Variants in RAP1GDS1 observed in about 807,000 individuals in gnomAD.
The protein encoded by RAP1GDS1 is Rap1 GTPase-GDP dissociation stimulator 1.
Under a neutral mutation model 71.1 loss-of-function variants are expected in RAP1GDS1, and 35 were observed. The ratio of observed to expected loss-of-function variants is 0.49; its 90% CI spans 0.38 to 0.65. The LOEUF is 0.65. RAP1GDS1 is among the 30% of genes least tolerant of loss of function. The pLI, the probability that RAP1GDS1 is intolerant of heterozygous loss-of-function variation, is 0.00. For missense variants in RAP1GDS1, 663 were observed against 706.1 expected (o/e 0.94, Z 0.69); for synonymous variants, 229 against 243.1 (o/e 0.94, Z 0.54).
chr4:98,354,803 T>C (rs1737715280), intron 4 of RAP1GDS1, among the ~76,000 whole-genome samples: 1 of 152,154 alleles, frequency 6.6e-6, no homozygotes, highest in African/African-American at 2.4e-5. Context: ...GCATAGTAAA[T>C]ACAGCCCATA....
At chr4:98,322,941 T>A (rs1732204650) in intron 2 of RAP1GDS1, among the ~76,000 whole-genome samples, 1 of 137,476 alleles carries the variant, frequency 7.3e-6, no homozygotes, top group African/African-American at 3.2e-5. Context: ...TGAAGTGAAA[T>A]AGAGACACAA....
chr4:98,416,701 A>G (rs924952913), intron 7 of RAP1GDS1, 44 bp from the exon 8 acceptor site: 8 of 1,532,096 alleles, frequency 5.2e-6, no homozygotes, highest in African/African-American at 2.8e-5. Flanking sequence ...CAGAGCTCCT[A>G]TTTTATCTCA....
intron 2 of RAP1GDS1, among the ~76,000 whole-genome samples, chr4:98,332,591 A>C (rs1560853467): frequency 1.3e-5 from 2 of 152,218 alleles, no homozygotes; most frequent in Non-Finnish European, 2.9e-5. Context: ...GACACAGCAG[A>C]ATTTAAACTT....
intron 2 of RAP1GDS1, among the ~76,000 whole-genome samples, chr4:98,320,927 T>C (rs373045919): frequency 1.9e-5 from 2 of 105,386 alleles, no homozygotes; most frequent in Non-Finnish European, 3.8e-5. Flanking sequence ...TGGAGAATGA[T>C]TTTGACGAGC....
chr4:98,354,955 T>A (rs989837851), intron 4 of RAP1GDS1, among the ~76,000 whole-genome samples: 4 of 152,208 alleles, frequency 2.6e-5, no homozygotes, highest in African/African-American at 9.6e-5. Flanking sequence ...TGCATATAAT[T>A]TCCATAGACT....
chr4:98,334,538 T>G (rs1033030212), intron 2 of RAP1GDS1, among the ~76,000 whole-genome samples: 1 of 152,210 alleles, frequency 6.6e-6, no homozygotes, highest in Non-Finnish European at 1.5e-5. Flanking sequence ...TTTGGTTTTT[T>G]GTTTTTCACC....
chr4:98,414,017 C>G (rs1166801994), intron 7 of RAP1GDS1, among the ~76,000 whole-genome samples: 2 of 152,108 alleles, frequency 1.3e-5, no homozygotes. Flanking sequence ...TAAATGTCTT[C>G]TTTTGAGAAG....
intron 2 of RAP1GDS1, among the ~76,000 whole-genome samples, chr4:98,334,623 A>C (rs183342993): frequency 4.0e-4 from 61 of 152,212 alleles, no homozygotes; most frequent in Non-Finnish European, 7.1e-4. Context: ...CAAGACTTTC[A>C]AGTGTTTGAT....
intron 5 of RAP1GDS1, among the ~76,000 whole-genome samples, chr4:98,384,220 A>T (rs1742412279): frequency 6.6e-6 from 1 of 151,600 alleles, no homozygotes; most frequent in African/African-American, 2.4e-5. Flanking sequence ...GGAGATGTAC[A>T]TTTAAGTTAA....
At chr4:98,419,253 T>C (rs1748462700) in intron 10 of RAP1GDS1, among the ~76,000 whole-genome samples, 1 of 151,938 alleles carries the variant, frequency 6.6e-6, no homozygotes, top group South Asian at 2.1e-4. Context: ...AGGATCTCAC[T>C]ATGTTGCCTA....
intron 2 of RAP1GDS1, among the ~76,000 whole-genome samples, chr4:98,298,875 A>G (rs1728166746): frequency 6.6e-6 from 1 of 152,202 alleles, no homozygotes. Flanking sequence ...GCCATTAAGA[A>G]TATTCATGAT....
At chr4:98,375,158 G>A (rs772494088) in intron 4 of RAP1GDS1, among the ~76,000 whole-genome samples, 8 of 152,112 alleles carry the variant, frequency 5.3e-5, no homozygotes, top group Non-Finnish European at 8.8e-5. Flanking sequence ...GAAACCTGTA[G>A]GGGAGGAGGA....
chr4:98,399,541 G>C (rs1745061671), intron 6 of RAP1GDS1, among the ~76,000 whole-genome samples: 1 of 152,068 alleles, frequency 6.6e-6, no homozygotes, highest in South Asian at 2.1e-4. Flanking sequence ...CAGTCCACCT[G>C]CCTTAGCTTC....
intron 2 of RAP1GDS1, among the ~76,000 whole-genome samples, chr4:98,326,927 A>G (rs568684817): frequency 2.2e-4 from 34 of 152,144 alleles, no homozygotes; most frequent in Non-Finnish European, 4.1e-4. Flanking sequence ...CTACTCTGAT[A>G]CAAGCTAGTC....
At chr4:98,395,987 C>G (rs1304359550) in intron 6 of RAP1GDS1, 1 of 157,540 alleles carries the variant, frequency 6.3e-6, no homozygotes, top group Non-Finnish European at 1.4e-5. Context: ...GTGAGGGACT[C>G]AGGAAGCTTA....
intron 2 of RAP1GDS1, among the ~76,000 whole-genome samples, chr4:98,324,347 A>C (rs547152835): frequency 1.3e-5 from 2 of 152,196 alleles, no homozygotes; most frequent in Admixed American, 1.3e-4. Context: ...CGTACTACCC[A>C]AGGTAATTTA....
chr4:98,438,077 C>T (rs1261599995), intron 14 of RAP1GDS1, among the ~76,000 whole-genome samples: 1 of 152,038 alleles, frequency 6.6e-6, no homozygotes, highest in South Asian at 2.1e-4. Context: ...TCAATTTTTG[C>T]TTAACATAAT....
At chr4:98,263,479 A>G (rs78533958) in intron 1 of RAP1GDS1, among the ~76,000 whole-genome samples, 2 of 152,220 alleles carry the variant, frequency 1.3e-5, no homozygotes, top group Admixed American at 1.3e-4. Context: ...ATAGAAACCT[A>G]TCTCTCATTT....
Position 98,362,460 on chromosome 4 carries a change from A to G in RAP1GDS1, c.361+9859A>G, listed in dbSNP as rs797005382. Among the ~76,000 whole-genome samples, 9 of 152,310 alleles carry G rather than the reference A, an allele frequency of 5.9e-5. 1 individual carries two copies. Among genetic ancestry groups the G allele is most frequent in the African/African-American group, 2.2e-4 (9 of 41,576 alleles). ...CACACTCCAGCCTGGGTGACAGAGC[A>G]AGACCTTGTCTGAAAACAGACAACA... On this transcript the variant is annotated intron_variant, in intron 4 of 14. Coordinates refer to ENST00000408927, the MANE Select transcript of RAP1GDS1 (RefSeq NM_001100427.2).
Sources: gnomAD v4.1 joint callset for allele counts (sites outside exome capture counted in the v4.1 genomes callset) on GRCh38, gnomAD v4.1.1 for gene constraint, MANE v1.5 for transcripts, NCBI Gene and HGNC (gene_info 2026-07-23, HGNC 2026-07-21) for gene names.